Variants in ZNF462 observed in about 807,000 individuals in gnomAD.
ZNF462 encodes zinc finger protein 462.
A neutral mutation model predicts 201.9 loss-of-function variants in ZNF462; 10 were observed. The observed-to-expected ratio is 0.05, with a 90% CI of 0.03 to 0.08. The LOEUF is 0.08. Among genes scored for constraint, ZNF462 ranks in the 10% least tolerant of loss-of-function variants. The pLI, the probability that ZNF462 is intolerant of heterozygous loss-of-function variation, is 1.00. For synonymous variants in ZNF462, 1,227 were observed against 1,193.3 expected, an observed-to-expected ratio of 1.03 and a Z score of -0.58; for missense variants, 2,523 against 3,168.3, an observed-to-expected ratio of 0.80 and a Z score of 4.89.
rs1367571404 is a variant in ZNF462 at position 106,913,516 on chromosome 9, AAAG to A, written c.-30-9833_-30-9831del. Among the ~76,000 whole-genome samples, 3 of 152,182 alleles carry A rather than the reference AAAG, an allele frequency of 2.0e-5. No individual in the cohort carries two copies. In the East Asian group the frequency reaches 5.8e-4, roughly 29 times the overall value. ...AGTAGCCTGGGGCCCTGTCACTTTG[AAAG>A]AAGATGATTTTACACATTGGAGAGG... On this transcript the variant is annotated intron_variant, in intron 1 of 12. Transcript: ENST00000277225. This position sits in a 1 kb window ranked among gnomAD's most constrained non-coding sequence, Gnocchi z 4.1.
Position 106,881,936 on chromosome 9 carries a change from A to G in ZNF462, c.-31+18581A>G. On this transcript the variant is annotated intron_variant, in intron 1 of 12. Transcript: ENST00000277225. Reference sequence around the variant, plus strand: ...TTTTTGTTTTGACTATTGCTACACGACTAACTCCTCTATAGTAAACCTGAA... The same window carrying G: ...TTTTTGTTTTGACTATTGCTACACGGCTAACTCCTCTATAGTAAACCTGAA... 1.3e-5 allele frequency among the ~76,000 whole-genome samples: 2 copies of G among 152,188 alleles called. 1 individual carries two copies. The highest frequency in any genetic ancestry group is 3.8e-4 in the East Asian group (2 of 5,196).
Position 107,012,998 on chromosome 9 carries a change from G to T in ZNF462, c.*1968G>T, listed in dbSNP as rs1830009627. 1 of 145,398 alleles carries T rather than the reference G, an allele frequency of 6.9e-6. No homozygotes were observed. The allele number at this position is 145,398 out of a possible 1,614,324, so 9.0% of individuals were successfully genotyped here. On this transcript the variant is annotated 3_prime_UTR_variant, in exon 13 of 13. Coordinates refer to ENST00000277225, the MANE Select transcript of ZNF462 (RefSeq NM_021224.6). ...GGAAAGTGTGAACTATCCAGACAAA[G>T]ATTCATTTTGTGTCTATATTTGTTT... is the stretch of plus-strand genomic sequence containing the variant.
intron 1 of ZNF462, among the ~76,000 whole-genome samples, chr9:106,904,696 C>CT (rs776539801): frequency 5.3e-5 from 8 of 152,094 alleles, no homozygotes; most frequent in Non-Finnish European, 8.8e-5. Context: ...CTCTGAATTT[C>CT]TTTCTTCTGC....
chr9:106,954,513 GA>G lies in ZNF462; in HGVS notation c.6427+15420del, dbSNP rs75004811. Among the ~76,000 whole-genome samples, 154 of 135,192 alleles carry G rather than the reference GA, an allele frequency of 1.1e-3. No homozygotes were observed. The highest frequency in any genetic ancestry group is 2.2e-3 in the East Asian group (10 of 4,642). 88.7% of individuals were successfully genotyped at this position (135,192 alleles called of 152,430 possible). On this transcript the variant is annotated intron_variant, in intron 7 of 12. Transcript: ENST00000277225. This position sits in a 1 kb window ranked among gnomAD's most constrained non-coding sequence, Gnocchi z 4.0. The stretch of plus-strand genomic sequence containing the variant: ...AACCATATCAGCCTGTTTAAAAGAG[GA>G]AAAAAAAAAAAAACTCAGTCAATAT...
chr9:106,864,039 G>GCTCGCGCGCTCTCTCTCT (rs1827179488), intron 1 of ZNF462, among the ~76,000 whole-genome samples: 1 of 22,722 alleles, frequency 4.4e-5, no homozygotes, highest in African/African-American at 1.2e-4. Context: ...CAGGTATTTG[G>GCTCGCGCGCTCTCTCTCT]CTCTCTCTCT....
intron 10 of ZNF462, among the ~76,000 whole-genome samples, chr9:106,985,176 G>C (rs1329609116): frequency 6.6e-6 from 1 of 152,172 alleles, no homozygotes; most frequent in African/African-American, 2.4e-5. Flanking sequence ...TACAAAGACA[G>C]GCAACAGGCT....
At position 106,880,846 on chromosome 9, in the gene ZNF462, A is replaced by G. The variant is rs1828061506; in HGVS notation, c.-31+17491A>G. On this transcript the variant is annotated intron_variant, in intron 1 of 12. Coordinates refer to ENST00000277225, the MANE Select transcript of ZNF462 (RefSeq NM_021224.6). The surrounding 1 kb of genome is among the most constrained non-coding windows in gnomAD (Gnocchi z 4.1). ...GGGTCCACACATTCCTAGACCTTTG[A>G]CCTTTATACCTGTACGTTACTCTGT... Among the ~76,000 whole-genome samples the G allele has an allele frequency of 6.6e-6, 1 of 152,180 alleles. No homozygotes were observed. The highest frequency in any genetic ancestry group is 2.4e-5 in the African/African-American group (1 of 41,434).
chr9:106,864,215 C>T (rs543037148), intron 1 of ZNF462, among the ~76,000 whole-genome samples: 8 of 151,008 alleles, frequency 5.3e-5, no homozygotes, highest in Admixed American at 5.3e-4. Flanking sequence ...GAGCGGGGGG[C>T]ACCGGCCGGG....
At chr9:106,921,184 C>T (rs1235537453) in intron 1 of ZNF462, among the ~76,000 whole-genome samples, 1 of 152,140 alleles carries the variant, frequency 6.6e-6, no homozygotes, top group Non-Finnish European at 1.5e-5. Context: ...CCCCCCACTG[C>T]ACCCCTAAAT....
Position 107,006,206 on chromosome 9 carries a change from AAC to A in ZNF462, c.7189+2784_7189+2785del, listed in dbSNP as rs1472432773. ...GGTTGTTGTAAAGATTAAATGAGAT[AAC>A]ACAGAAGACCTTCACCCAGTTCCTA... On this transcript the variant is annotated intron_variant, in intron 11 of 12. Coordinates refer to ENST00000277225, the MANE Select transcript of ZNF462 (RefSeq NM_021224.6). This position sits in a 1 kb window ranked among gnomAD's most constrained non-coding sequence, Gnocchi z 4.3. Among the ~76,000 whole-genome samples, 1 of 152,202 alleles carries A rather than the reference AAC, an allele frequency of 6.6e-6. No individual in the cohort carries two copies. The highest frequency in any genetic ancestry group is 1.5e-5 in the Non-Finnish European group (1 of 68,034).
At chr9:106,965,749 G>C (rs1235080948) in intron 7 of ZNF462, among the ~76,000 whole-genome samples, 1 of 152,074 alleles carries the variant, frequency 6.6e-6, no homozygotes, top group Non-Finnish European at 1.5e-5. Context: ...TTTAGATGAA[G>C]ACTCAGATGA....
chr9:106,993,303 T>C lies in ZNF462; in HGVS notation c.7056+8894T>C, dbSNP rs143656458. Among the ~76,000 whole-genome samples the C allele has an allele frequency of 8.5e-5, 13 of 152,194 alleles. No homozygotes were observed. The highest frequency in any genetic ancestry group is 3.4e-3 in the Middle Eastern group (1 of 294). On this transcript the variant is annotated intron_variant, in intron 10 of 12. Coordinates refer to ENST00000277225, the MANE Select transcript of ZNF462 (RefSeq NM_021224.6). The surrounding 1 kb of genome is among the most constrained non-coding windows in gnomAD (Gnocchi z 4.0). Reference sequence around the variant, plus strand: ...AGCAAGAAAGGTCCTTAAAGTCAAATATACCATTCCTTTTAAGAACCAAAA... The same window carrying C: ...AGCAAGAAAGGTCCTTAAAGTCAAACATACCATTCCTTTTAAGAACCAAAA...
chr9:106,983,456 A>G (rs534015420), intron 9 of ZNF462, among the ~76,000 whole-genome samples: 1 of 152,206 alleles, frequency 6.6e-6, no homozygotes, highest in African/African-American at 2.4e-5. Context: ...GTTTGCTTTC[A>G]GACTTGATAT....
intron 1 of ZNF462, among the ~76,000 whole-genome samples, chr9:106,892,129 A>G (rs1040407856): frequency 1.3e-5 from 2 of 152,234 alleles, no homozygotes; most frequent in African/African-American, 4.8e-5. Flanking sequence ...TGGTGGCCCA[A>G]GGTCATTGGT....
Position 106,923,668 on chromosome 9 carries a change from TAG to T in ZNF462, c.220+66_220+67del. ...ATTGCTCTTGTTTCCTTTTAGCCTGTAGCCATGGTTCTTAATATACGTGGCTT... is the reference window on the plus strand; with the variant it reads ...ATTGCTCTTGTTTCCTTTTAGCCTGTCCATGGTTCTTAATATACGTGGCTT... On this transcript the variant is annotated intron_variant, in intron 2 of 12. Transcript: ENST00000277225. This position sits in a 1 kb window ranked among gnomAD's most constrained non-coding sequence, Gnocchi z 5.6. 1.3e-6 allele frequency: 2 copies of T among 1,538,126 alleles called. No individual in the cohort carries two copies. The highest frequency in any genetic ancestry group is 1.8e-6 in the Non-Finnish European group (2 of 1,116,152).
At chr9:106,888,111 G>A (rs1345824774) in intron 1 of ZNF462, among the ~76,000 whole-genome samples, 1 of 150,748 alleles carries the variant, frequency 6.6e-6, no homozygotes, top group East Asian at 2.0e-4. Context: ...GCGCGATCTC[G>A]GCTCACTGCA....
intron 10 of ZNF462, among the ~76,000 whole-genome samples, chr9:106,991,171 CA>C (rs1422386281): frequency 1.3e-5 from 2 of 150,834 alleles, no homozygotes; most frequent in African/African-American, 2.4e-5. Flanking sequence ...GCAGAATCTA[CA>C]AAAAAAAGCT....
Position 106,984,069 on chromosome 9 carries a change from A to C in ZNF462, c.6833-117A>C. The C allele has an allele frequency of 1.1e-6, 1 of 918,042 alleles. No individual in the cohort carries two copies. The highest frequency in any genetic ancestry group is 1.7e-6 in the Non-Finnish European group (1 of 603,896). 56.9% of individuals were successfully genotyped at this position (918,042 alleles called of 1,614,324 possible). ...AGGGTGCATGTGTGTCAGTTCAAGG[A>C]ACCAGATCCACGAGGAGCAGCAAGA... On this transcript the variant is annotated intron_variant, in intron 9 of 12. Transcript: ENST00000277225. The surrounding 1 kb of genome is among the most constrained non-coding windows in gnomAD (Gnocchi z 6.4).
rs914576438 is a variant in ZNF462 at position 106,924,618 on chromosome 9, T to C, written c.706T>C (p.Leu236=). Residue 236 remains leucine (L), a synonymous_variant, in exon 3 of 13, where the codon TTG becomes CTG. Transcript: ENST00000277225. The surrounding 1 kb of genome is among the most constrained non-coding windows in gnomAD (Gnocchi z 6.2). ...RSILESMVKP[L]TKSRGNFCCE... ...CATCTTAGAGTCTATGGTCAAGCCT[T>C]TGACCAAATCTCGAGGCAACTTTTG... 9 of 1,614,024 alleles carry C rather than the reference T, an allele frequency of 5.6e-6. No homozygotes were observed. Among genetic ancestry groups the C allele is most frequent in the Non-Finnish European group, 7.6e-6 (9 of 1,180,036 alleles).
Sources: allele counts gnomAD v4.1 joint callset (sites outside exome capture counted in the v4.1 genomes callset), GRCh38; gene constraint gnomAD v4.1.1; non-coding constraint Gnocchi (gnomAD v3.1); transcripts MANE v1.5; gene names NCBI Gene and HGNC (gene_info 2026-07-23, HGNC 2026-07-21).